UBR4: variants seen among roughly 807,000 people sequenced by gnomAD.
The protein encoded by UBR4 is E3 ubiquitin-protein ligase UBR4.
UBR4 carries 124 observed loss-of-function variants against 575.6 expected under a neutral mutation model. The observed-to-expected ratio is 0.22, with a 90% CI of 0.19 to 0.25. The LOEUF (loss-of-function observed/expected upper bound fraction) is 0.25, where lower values mean the gene tolerates loss of function less well. Among genes scored for constraint, UBR4 ranks in the 10% least tolerant of loss-of-function variants. The pLI, the probability that UBR4 is intolerant of heterozygous loss-of-function variation, is 1.00. For synonymous variants in UBR4, 2,455 were observed against 2,473.7 expected, an observed-to-expected ratio of 0.99 and a Z score of 0.22; for missense variants, 4,818 against 6,478.8, an observed-to-expected ratio of 0.74 and a Z score of 8.80.
At chr1:19,128,125 T>C (rs2082024310) in intron 62 of UBR4, 86 bp downstream of exon 62, 1 of 1,297,772 alleles carries the variant, frequency 7.7e-7, no homozygotes, top group Non-Finnish European at 1.1e-6. Flanking sequence ...TGAAACGAGG[T>C]GAAGTTCCTC....
rs2084938906 is a variant in UBR4 at position 19,146,807 on chromosome 1, C to G, written c.7804+19G>C. The G allele has an allele frequency of 1.9e-6, 3 of 1,606,240 alleles. No individual in the cohort carries two copies. On this transcript the variant is annotated intron_variant, in intron 52 of 105. Transcript: ENST00000375254. ...TATGAAGCAGATCTCAGGACCACGG[C>G]CACAGAGGCCAAGTTCACCTGTTTC...
chr1:19,107,983 A>G (rs1199347778), intron 81 of UBR4, among the ~76,000 whole-genome samples: 1 of 152,200 alleles, frequency 6.6e-6, no homozygotes, highest in East Asian at 1.9e-4. Context: ...GGATTCTCAT[A>G]TCGGTTTCTA....
intron 34 of UBR4, 25 bp downstream of exon 34, chr1:19,163,739 C>T (rs773976263): frequency 1.4e-5 from 23 of 1,612,354 alleles, no homozygotes; most frequent in Admixed American, 1.7e-5. Flanking sequence ...CTTCACCCCC[C>T]ATTGTCATTC....
chr1:19,142,309 C>T (rs908500706), intron 55 of UBR4, among the ~76,000 whole-genome samples: 1 of 152,226 alleles, frequency 6.6e-6, no homozygotes, highest in African/African-American at 2.4e-5. Flanking sequence ...ACTGCAGGTC[C>T]TGCCTGTGCC....
rs749731854 is a variant in UBR4 at position 19,126,601 on chromosome 1, C to A, written c.9283G>T (p.Val3095Leu). 6.2e-7 allele frequency: 1 copy of A among 1,614,116 alleles called. No homozygotes were observed. The highest frequency in any genetic ancestry group is 8.5e-7 in the Non-Finnish European group (1 of 1,180,036). ...TAAALLSSGA[V>L]DYCLHVLKSL... ...TTGAGCACGTGCAGGCAGTAGTCCACAGCCCCAGAGCTCAGTAGAGCTGCT... is the reference window on the plus strand; with the variant it reads ...TTGAGCACGTGCAGGCAGTAGTCCAAAGCCCCAGAGCTCAGTAGAGCTGCT... Residue 3095 changes from valine to leucine, a missense_variant, in exon 64 of 106, where the codon GTG becomes TTG. Around this residue, in one of 29 missense-constraint regions of UBR4, gnomAD observed 550 missense variants for 791.5 expected, o/e 0.69. Coordinates refer to ENST00000375254, the MANE Select transcript of UBR4 (RefSeq NM_020765.3).
intron 78 of UBR4, chr1:19,111,698 A>G (rs1271051233): frequency 6.7e-6 from 1 of 149,500 alleles, no homozygotes; most frequent in African/African-American, 2.5e-5. Context: ...TCGACTCACC[A>G]CAATCTCCGC....
chr1:19,176,706 G>A lies in UBR4; in HGVS notation c.2659C>T (p.Pro887Ser), dbSNP rs1346007593. 6.2e-7 allele frequency: 1 copy of A among 1,614,084 alleles called. No homozygotes were observed. The highest frequency in any genetic ancestry group is 1.7e-5 in the Admixed American group (1 of 60,018). ...FEQVQHNLLS[P>S]PFGWASGSQD... Reference sequence around the variant, plus strand: ...GATCCACTTGCCCACCCAAAGGGAGGACTTAGCAGGTTATGCTGTACCTTT... The same window carrying A: ...GATCCACTTGCCCACCCAAAGGGAGAACTTAGCAGGTTATGCTGTACCTTT... Residue 887 changes from proline to serine, a missense_variant, in exon 20 of 106, where the codon CCT becomes TCT. Pro to Ser is a moderately conservative substitution (Grantham distance 74). Transcript: ENST00000375254.
At chr1:19,183,005 A>G (rs896376812) in intron 17 of UBR4, among the ~76,000 whole-genome samples, 3 of 152,238 alleles carry the variant, frequency 2.0e-5, no homozygotes, top group African/African-American at 7.2e-5. Flanking sequence ...AGAGAGAACC[A>G]TAAGATTGGA....
Position 19,184,162 on chromosome 1 carries a change from G to A in UBR4, c.1952C>T (p.Ala651Val), listed in dbSNP as rs1289340861. Reference protein sequence around the residue: ...RKDPELFLGLASNILNFITSS... With the variant: ...RKDPELFLGLVSNILNFITSS... Reference sequence around the variant, plus strand: ...GGTGATGAAGTTCAAAATGTTGGAAGCCAGACCTAAGAACTGAAAGGAACA... The same window carrying A: ...GGTGATGAAGTTCAAAATGTTGGAAACCAGACCTAAGAACTGAAAGGAACA... The change falls in exon 16 of 106, where the codon GCT (alanine) becomes GTT (valine). Residue 651 changes from alanine (A) to valine (V), a missense_variant. This residue lies in a region of UBR4 where 1,172 missense variants were observed against 1,259.7 expected (regional missense o/e 0.93). Transcript: ENST00000375254. 3 of 1,614,088 alleles carry A rather than the reference G, an allele frequency of 1.9e-6. No homozygotes were observed. The highest frequency in any genetic ancestry group is 1.1e-5 in the South Asian group (1 of 91,074).
chr1:19,157,068 G>GT lies in UBR4; in HGVS notation c.5761-144dup. The stretch of plus-strand genomic sequence containing the variant: ...AAGTCTAGTAGAAAATCCTAGATCA[G>GT]TATTAGTCTCTATTACTCCTGGCTA... On this transcript the variant is annotated intron_variant, in intron 40 of 105. Coordinates refer to ENST00000375254, the MANE Select transcript of UBR4 (RefSeq NM_020765.3). The surrounding 1 kb of genome is among the most constrained non-coding windows in gnomAD (Gnocchi z 4.4). 1.1e-6 allele frequency: 1 copy of GT among 912,718 alleles called. No homozygotes were observed. Among genetic ancestry groups the GT allele is most frequent in the Non-Finnish European group, 1.6e-6 (1 of 626,058 alleles). 56.5% of individuals were successfully genotyped at this position (912,718 alleles called of 1,614,324 possible).
At chr1:19,173,413 A>C (rs2089857859) in intron 23 of UBR4, 26 bp downstream of exon 23, 3 of 1,613,220 alleles carry the variant, frequency 1.9e-6, no homozygotes, top group Non-Finnish European at 2.5e-6. Context: ...GGCTTTGAAT[A>C]GTCTTAGCAG....
chr1:19,094,200 C>A, intron 94 of UBR4, 61 bp from the exon 95 acceptor site: 5 of 1,383,332 alleles, frequency 3.6e-6, no homozygotes, highest in Non-Finnish European at 5.0e-6. Flanking sequence ...CTGCAGCCAA[C>A]ATCTGAGCCC....
At chr1:19,145,340 T>C (rs1415254115) in intron 53 of UBR4, among the ~76,000 whole-genome samples, 1 of 152,242 alleles carries the variant, frequency 6.6e-6, no homozygotes, top group Non-Finnish European at 1.5e-5. Flanking sequence ...ATCCTACTTT[T>C]CTATATTGCT....
In UBR4 at chr1:19,173,319, CAAGAAA is replaced by C; in HGVS notation, c.3166-19_3166-14del. Reference sequence around the variant, plus strand: ...TGATAAGGTGATCCTATTTGGACAGCAAGAAAAAGTGTTTAGGAGATGACTATAGGC... The same window carrying C: ...TGATAAGGTGATCCTATTTGGACAGCAAGTGTTTAGGAGATGACTATAGGC... On this transcript the variant is annotated splice_polypyrimidine_tract_variant and intron_variant, in intron 23 of 105. Coordinates refer to ENST00000375254, the MANE Select transcript of UBR4 (RefSeq NM_020765.3). 1 of 1,613,082 alleles carries C rather than the reference CAAGAAA, an allele frequency of 6.2e-7. No individual in the cohort carries two copies. The highest frequency in any genetic ancestry group is 1.1e-5 in the South Asian group (1 of 90,952).
intron 39 of UBR4, 41 bp from the exon 40 acceptor site, chr1:19,158,038 C>T: frequency 1.3e-6 from 2 of 1,581,618 alleles, no homozygotes; most frequent in East Asian, 4.5e-5. Context: ...AGTAATGAGG[C>T]AAATAAAATC....
At chr1:19,075,315 G>C in intron 105 of UBR4, 1 of 224,502 alleles carries the variant, frequency 4.5e-6, no homozygotes, top group South Asian at 6.0e-5. Context: ...TGGAGCTCGA[G>C]CCCAAGGGAC....
rs2086530138 is a variant in UBR4, at chr1:19,156,872, C to T, written c.5814G>A (p.Arg1938=). ...AAGCCAAGCGGGTCAGAGTTAACTT[C>T]CTTTTGCTGGAATCTGCTTGCTTCA... is the stretch of plus-strand genomic sequence containing the variant. The part of the protein sequence containing the change: ...ALLKQADSSK[R]KLTLTRLASA... Residue 1938 remains arginine (R), a synonymous_variant, in exon 41 of 106, where the codon AGG becomes AGA. Transcript: ENST00000375254. 4.3e-6 allele frequency: 7 copies of T among 1,614,168 alleles called. No individual in the cohort carries two copies. Among genetic ancestry groups the T allele is most frequent in the Non-Finnish European group, 5.9e-6 (7 of 1,180,010 alleles).
intron 81 of UBR4, among the ~76,000 whole-genome samples, chr1:19,107,180 T>C (rs1444269619): frequency 6.6e-6 from 1 of 152,192 alleles, no homozygotes; most frequent in African/African-American, 2.4e-5. Flanking sequence ...TTAAGGTCAC[T>C]CATTTTTATT....
Position 19,151,852 on chromosome 1 carries a change from C to G in UBR4, c.7004G>C (p.Gly2335Ala). The G allele has an allele frequency of 1.3e-6, 2 of 1,592,910 alleles. No homozygotes were observed. Among genetic ancestry groups the G allele is most frequent in the South Asian group, 1.1e-5 (1 of 87,920 alleles). Residue 2335 changes from glycine (G) to alanine (A), a missense_variant, in exon 48 of 106, where the codon GGC becomes GCC. Coordinates refer to ENST00000375254, the MANE Select transcript of UBR4 (RefSeq NM_020765.3). ...GTTGTTACTAATCTCAATGGTGAAG[C>G]CTCCGGGCTGTAGGGAGACAAGGCA... Reference protein sequence around the residue: ...GMYVANTKPGGFTIEISNNNS... With the variant: ...GMYVANTKPGAFTIEISNNNS...
Sources: gnomAD v4.1 joint callset for allele counts (sites outside exome capture counted in the v4.1 genomes callset) on GRCh38, gnomAD v4.1.1 for gene constraint, gnomAD v4.1.1 regional missense constraint, Gnocchi (gnomAD v3.1) non-coding constraint, MANE v1.5 for transcripts, NCBI Gene and HGNC (gene_info 2026-07-23, HGNC 2026-07-21) for gene names.